Variants in SPIDR observed in about 807,000 individuals in gnomAD.
SPIDR encodes the protein scaffold protein involved in DNA repair, also known as DNA repair-scaffolding protein.
Under a neutral mutation model 104.6 loss-of-function variants are expected in SPIDR, and 93 were observed. That is an observed-to-expected ratio of 0.89 (90% CI 0.75 to 1.06). The LOEUF (loss-of-function observed/expected upper bound fraction) is 1.06. Among genes scored for constraint, SPIDR ranks in the 50% least tolerant of loss-of-function variants. The probability of loss-of-function intolerance (pLI) is 0.00; values close to 1 mark genes in which losing one functional copy is unlikely to be tolerated. For missense variants in SPIDR, 1,154 were observed against 1,111.2 expected (o/e 1.04, Z -0.55); for synonymous variants, 431 against 416.9 (o/e 1.03, Z -0.41).
intron 14 of SPIDR, among the ~76,000 whole-genome samples, chr8:47,711,660 C>G (rs921095134): frequency 6.6e-6 from 1 of 152,106 alleles, no homozygotes; most frequent in Non-Finnish European, 1.5e-5. Flanking sequence ...ACACACACAA[C>G]TATATCTACT....
In SPIDR at chr8:47,293,951, C is replaced by G; in HGVS notation, c.446C>G (p.Ala149Gly). ...DCDEFEDDEG[A>G]VEISDCASCA... ...GATGAATTTGAAGATGACGAGGGTG[C>G]TGTGGAAATCTCAGACTGTGCTTCT... Residue 149 changes from alanine (A) to glycine (G), a missense_variant, in exon 5 of 20, where the codon GCT becomes GGT. Transcript: ENST00000297423. The G allele has an allele frequency of 6.2e-7, 1 of 1,614,102 alleles. No homozygotes were observed. The highest frequency in any genetic ancestry group is 8.5e-7 in the Non-Finnish European group (1 of 1,180,022).
At chr8:47,509,306 G>T (rs1033819807) in intron 8 of SPIDR, among the ~76,000 whole-genome samples, 1 of 152,178 alleles carries the variant, frequency 6.6e-6, no homozygotes, top group Admixed American at 6.5e-5. Flanking sequence ...AATGCTGGCC[G>T]GAATTCCTGT....
intron 4 of SPIDR, among the ~76,000 whole-genome samples, chr8:47,293,303 A>G (rs1230530703): frequency 3.3e-5 from 5 of 152,206 alleles, no homozygotes; most frequent in South Asian, 2.1e-4. Flanking sequence ...AAAAATAACA[A>G]TACATAGTTT....
intron 10 of SPIDR, among the ~76,000 whole-genome samples, chr8:47,656,552 A>C (rs1160630011): frequency 6.6e-6 from 1 of 152,232 alleles, no homozygotes; most frequent in Non-Finnish European, 1.5e-5. Flanking sequence ...ATCTTGGCAC[A>C]CTACTAGTGA....
Position 47,311,040 on chromosome 8 carries a change from G to A in SPIDR, c.525+17010G>A, listed in dbSNP as rs940873972. Among the ~76,000 whole-genome samples the A allele has an allele frequency of 5.3e-5, 8 of 152,230 alleles. 1 individual carries two copies. The Middle Eastern group carries it at 0.01, about 194-fold the overall frequency. On this transcript the variant is annotated intron_variant, in intron 5 of 19. Transcript: ENST00000297423. Reference sequence around the variant, plus strand: ...GACTCCTATGTTAGAATTAGCAGCTGTTATAACTCTTCTTAAGGTTATATA... The same window carrying A: ...GACTCCTATGTTAGAATTAGCAGCTATTATAACTCTTCTTAAGGTTATATA...
intron 11 of SPIDR, among the ~76,000 whole-genome samples, chr8:47,698,649 T>A (rs2079685368): frequency 6.6e-6 from 1 of 152,216 alleles, no homozygotes; most frequent in Non-Finnish European, 1.5e-5. Context: ...AATAGAACTT[T>A]CCTATGGCTG....
chr8:47,458,216 C>G (rs1554710955), intron 8 of SPIDR, among the ~76,000 whole-genome samples: 1 of 152,232 alleles, frequency 6.6e-6, no homozygotes, highest in Admixed American at 6.5e-5. Context: ...CATCCATGAG[C>G]ATGGGATGTG....
Position 47,685,505 on chromosome 8 carries a change from A to ATTTTTTTTTTTTTTTT in SPIDR, c.1685+11567_1685+11568insTTTTTTTTTTTTTTTT, listed in dbSNP as rs201735323. On this transcript the variant is annotated intron_variant, in intron 11 of 19. Coordinates refer to ENST00000297423, the MANE Select transcript of SPIDR (RefSeq NM_001080394.4). ...TATTTATTTATTTATTTATTTATTT[A>ATTTTTTTTTTTTTTTT]TTTATTTATTTATTTTTTTGAGACA... 3.7e-4 allele frequency among the ~76,000 whole-genome samples: 39 copies of ATTTTTTTTTTTTTTTT among 104,410 alleles called. 2 individuals are homozygous for ATTTTTTTTTTTTTTTT. Among genetic ancestry groups the ATTTTTTTTTTTTTTTT allele is most frequent in the East Asian group, 1.7e-3 (5 of 2,962 alleles). The allele number at this position is 104,410 out of a possible 152,430, so 68.5% of individuals were successfully genotyped here.
intron 10 of SPIDR, among the ~76,000 whole-genome samples, chr8:47,644,370 G>T (rs991918747): frequency 1.3e-5 from 2 of 152,176 alleles, no homozygotes; most frequent in African/African-American, 4.8e-5. Context: ...CCACTATCAC[G>T]CAAGTTGTTT....
In SPIDR at chr8:47,374,611, A is replaced by G. The variant is rs1386139005; in HGVS notation, c.526-21765A>G. 2.6e-5 allele frequency among the ~76,000 whole-genome samples: 4 copies of G among 152,284 alleles called. No individual in the cohort carries two copies. In the East Asian group the frequency reaches 7.7e-4, roughly 29 times the overall value. On this transcript the variant is annotated intron_variant, in intron 5 of 19. Coordinates refer to ENST00000297423, the MANE Select transcript of SPIDR (RefSeq NM_001080394.4). ...AGAGAATATCTTCCTGTTTGTCTCCATCCCAGGGCTCTTCATGAATTTAGT... is the reference window on the plus strand; with the variant it reads ...AGAGAATATCTTCCTGTTTGTCTCCGTCCCAGGGCTCTTCATGAATTTAGT...
intron 8 of SPIDR, among the ~76,000 whole-genome samples, chr8:47,513,966 G>C (rs569312739): frequency 6.6e-6 from 1 of 152,226 alleles, no homozygotes; most frequent in South Asian, 2.1e-4. Flanking sequence ...TGCCTTCTTG[G>C]GCTGTGGTTG....
chr8:47,385,454 A>T (rs118070297), intron 5 of SPIDR, among the ~76,000 whole-genome samples: 204 of 152,328 alleles, frequency 1.3e-3, no homozygotes, highest in Admixed American at 4.1e-3. Context: ...CTATGCCTTC[A>T]TGTACATATG....
chr8:47,403,450 A>G (rs2062214912), intron 6 of SPIDR, among the ~76,000 whole-genome samples: 1 of 152,248 alleles, frequency 6.6e-6, no homozygotes, highest in Non-Finnish European at 1.5e-5. Context: ...GTACATTTAG[A>G]AAACCCCATC....
chr8:47,595,169 A>G (rs2061504988), intron 8 of SPIDR, among the ~76,000 whole-genome samples: 1 of 152,042 alleles, frequency 6.6e-6, no homozygotes, highest in African/African-American at 2.4e-5. Context: ...TAATTAGAGG[A>G]ATAGGGGAAA....
At chr8:47,292,773 C>T (rs2040150431) in intron 4 of SPIDR, among the ~76,000 whole-genome samples, 1 of 151,930 alleles carries the variant, frequency 6.6e-6, no homozygotes, top group East Asian at 1.9e-4. Flanking sequence ...AATTTGTGGG[C>T]TACTTCAGGC....
At chr8:47,634,327 C>G (rs1270631239) in intron 10 of SPIDR, among the ~76,000 whole-genome samples, 3 of 152,062 alleles carry the variant, frequency 2.0e-5, no homozygotes. Context: ...TGGCGGGTGC[C>G]TGTAATCCCA....
In SPIDR at chr8:47,380,885, C is replaced by T. The variant is rs2059252787; in HGVS notation, c.526-15491C>T. ...GATAAAGTTTCAGTCACAAAAAGCA[C>T]ACCATGTAAACAGTGAAAGGAGATC... is the stretch of plus-strand genomic sequence containing the variant. On this transcript the variant is annotated intron_variant, in intron 5 of 19. Coordinates refer to ENST00000297423, the MANE Select transcript of SPIDR (RefSeq NM_001080394.4). Among the ~76,000 whole-genome samples the T allele has an allele frequency of 2.0e-5, 3 of 152,182 alleles. No individual in the cohort carries two copies. In the South Asian group the frequency reaches 6.2e-4, roughly 31 times the overall value.
At chr8:47,304,589 T>C (rs1012487764) in intron 5 of SPIDR, among the ~76,000 whole-genome samples, 45 of 152,274 alleles carry the variant, frequency 3.0e-4, no homozygotes, top group African/African-American at 1.1e-3. Flanking sequence ...AAGTGTCTGC[T>C]TCCTCCTCCC....
chr8:47,355,824 T>C (rs1448481993), intron 5 of SPIDR, among the ~76,000 whole-genome samples: 2 of 152,240 alleles, frequency 1.3e-5, no homozygotes, highest in Admixed American at 1.3e-4. Flanking sequence ...TGAATGTGCA[T>C]AGATTTCTCA....
Sources: allele counts gnomAD v4.1 joint callset (sites outside exome capture counted in the v4.1 genomes callset), GRCh38; gene constraint gnomAD v4.1.1; transcripts MANE v1.5; gene names NCBI Gene and HGNC (gene_info 2026-07-23, HGNC 2026-07-21).